Variants in ERG observed in about 807,000 individuals in gnomAD.
ERG encodes transcriptional regulator ERG.
In ERG, 9 loss-of-function variants were observed where a neutral mutation model predicts 55.3. The observed-to-expected ratio is 0.16, with a 90% CI of 0.10 to 0.28. The LOEUF (loss-of-function observed/expected upper bound fraction) is 0.28, where lower values mean the gene tolerates loss of function less well. Among genes scored for constraint, ERG ranks in the 10% least tolerant of loss-of-function variants. The pLI is 1.00. For missense variants in ERG, 434 were observed against 631.6 expected (o/e 0.69, Z 3.35); for synonymous variants, 223 against 237.3 (o/e 0.94, Z 0.55).
At chr21:38,430,900 C>T (rs1272256019) in intron 2 of ERG, among the ~76,000 whole-genome samples, 2 of 152,158 alleles carry the variant, frequency 1.3e-5, no homozygotes, top group Non-Finnish European at 2.9e-5. Flanking sequence ...TTGGTCATAA[C>T]TGTGGTCACT....
chr21:38,412,084 GA>G (rs1471183076), intron 3 of ERG, among the ~76,000 whole-genome samples: 1 of 152,068 alleles, frequency 6.6e-6, no homozygotes, highest in Non-Finnish European at 1.5e-5. Flanking sequence ...GTTTGTGCAA[GA>G]TTTTTTTGTA....
rs56381282 is a variant in ERG, at chr21:38,463,863, T to G, written c.19-18242A>C. 5.7e-3 allele frequency among the ~76,000 whole-genome samples: 873 copies of G among 152,326 alleles called. 7 individuals are homozygous for G. Among genetic ancestry groups the G allele is most frequent in the African/African-American group, 0.02 (824 of 41,554 alleles). Reference sequence around the variant, plus strand: ...CAGAGTTTGACTTTCAGTCTGCACGTAATCCAGGCTTTGTATTCCCACTTC... The same window carrying G: ...CAGAGTTTGACTTTCAGTCTGCACGGAATCCAGGCTTTGTATTCCCACTTC... On this transcript the variant is annotated intron_variant, in intron 1 of 9. Transcript: ENST00000288319.
chr21:38,419,199 C>G (rs1312963649), intron 3 of ERG, among the ~76,000 whole-genome samples: 3 of 152,196 alleles, frequency 2.0e-5, no homozygotes, highest in Non-Finnish European at 4.4e-5. Flanking sequence ...TATGGCCTAA[C>G]CAGTACCCTT....
chr21:38,383,742 G>A lies in ERG; in HGVS notation c.1101C>T (p.Arg367=), dbSNP rs143039786. The part of the protein sequence containing the change: ...KPNMNYDKLS[R]ALRYYYDKNI... ...TCTTGTCATAGTAGTAACGGAGGGCGCGGCTGAGCTTATCGTAGTTCATGT... is the reference window on the plus strand; with the variant it reads ...TCTTGTCATAGTAGTAACGGAGGGCACGGCTGAGCTTATCGTAGTTCATGT... The change falls in exon 10 of 10, where the codon CGC becomes CGT. Residue 367 remains arginine, a synonymous_variant. Coordinates refer to ENST00000288319, the MANE Select transcript of ERG (RefSeq NM_182918.4). The surrounding 1 kb of genome is among the most constrained non-coding windows in gnomAD (Gnocchi z 5.7). 6.5e-5 allele frequency: 105 copies of A among 1,614,008 alleles called. No homozygotes were observed. Among genetic ancestry groups the A allele is most frequent in the Non-Finnish European group, 8.2e-5 (97 of 1,180,036 alleles).
chr21:38,577,455 A>C, intron 1 of ERG, among the ~76,000 whole-genome samples: 4 of 147,924 alleles, frequency 2.7e-5, no homozygotes, highest in East Asian at 2.0e-4. Flanking sequence ...CCCCACCCCC[A>C]CCCCCAGGCC....
chr21:38,519,747 G>T (rs1231201027), intron 2 of ERG, among the ~76,000 whole-genome samples: 2 of 152,140 alleles, frequency 1.3e-5, no homozygotes, highest in African/African-American at 2.4e-5. Context: ...AGAGATGTGT[G>T]TATATGTGCA....
At chr21:38,543,800 G>A (rs933711388) in intron 2 of ERG, among the ~76,000 whole-genome samples, 3 of 146,616 alleles carry the variant, frequency 2.0e-5, no homozygotes, top group East Asian at 2.0e-4. Flanking sequence ...GCAGTGGCTC[G>A]ATCTCAGCTC....
intron 2 of ERG, among the ~76,000 whole-genome samples, chr21:38,550,126 A>G (rs567481361): frequency 2.6e-5 from 4 of 152,244 alleles, no homozygotes; most frequent in African/African-American, 9.6e-5. Context: ...GCTTCATCCA[A>G]GTACAGAAAT....
chr21:38,484,430 C>T (rs994252638), intron 1 of ERG, among the ~76,000 whole-genome samples: 7 of 152,182 alleles, frequency 4.6e-5, no homozygotes, highest in Non-Finnish European at 1.0e-4. Context: ...CCCCATTGCA[C>T]AAACACATTC....
At chr21:38,378,329 A>T (rs1231202559), downstream of ERG, among the ~76,000 whole-genome samples, 1 of 152,240 alleles carries the variant, frequency 6.6e-6, no homozygotes, top group Non-Finnish European at 1.5e-5. Context: ...TTGTTAAATA[A>T]GCACACCTCA....
intron 2 of ERG, among the ~76,000 whole-genome samples, chr21:38,438,318 C>A (rs997490783): frequency 1.3e-5 from 2 of 152,150 alleles, no homozygotes; most frequent in Non-Finnish European, 2.9e-5. Flanking sequence ...GATGTCATGA[C>A]CATCTTCACT....
intron 2 of ERG, among the ~76,000 whole-genome samples, chr21:38,542,234 C>G (rs577995043): frequency 6.6e-6 from 1 of 152,222 alleles, no homozygotes. Flanking sequence ...GTGATCCACC[C>G]GCCTCAGCCT....
chr21:38,543,210 C>T (rs923997962), intron 2 of ERG, among the ~76,000 whole-genome samples: 1 of 152,004 alleles, frequency 6.6e-6, no homozygotes, highest in African/African-American at 2.4e-5. Context: ...TCTCCAAATC[C>T]TGGTCATCTC....
intron 2 of ERG, among the ~76,000 whole-genome samples, chr21:38,528,315 C>T (rs1823288517): frequency 6.6e-6 from 1 of 152,016 alleles, no homozygotes; most frequent in Admixed American, 6.5e-5. Flanking sequence ...GTGGTGGGCA[C>T]CTGTAGTTCC....
intron 1 of ERG, among the ~76,000 whole-genome samples, chr21:38,640,562 T>G (rs935649259): frequency 2.0e-5 from 3 of 152,200 alleles, no homozygotes; most frequent in African/African-American, 7.2e-5. Context: ...TCACAAGATC[T>G]GATGGTTTTA....
At chr21:38,611,254 C>G (rs2060225363) in intron 1 of ERG, among the ~76,000 whole-genome samples, 1 of 152,228 alleles carries the variant, frequency 6.6e-6, no homozygotes, top group South Asian at 2.1e-4. Flanking sequence ...TTCCCTGCTT[C>G]AAACCTTGAA....
chr21:38,637,322 C>T (rs2060395534), intron 1 of ERG, among the ~76,000 whole-genome samples: 1 of 152,146 alleles, frequency 6.6e-6, no homozygotes, highest in East Asian at 1.9e-4. Flanking sequence ...TGAATAAAAA[C>T]TCCTTGATTC....
Position 38,624,344 on chromosome 21 carries a change from G to A in ERG, c.-150+37314C>T, listed in dbSNP as rs148801201. On this transcript the variant is annotated intron_variant, in intron 1 of 10. Coordinates refer to the ERG transcript ENST00000398910. ...GCATTAGGACAAATACCTAATGCAT[G>A]CAGGGCTTAAAACCGAGATGACGGG... Among the ~76,000 whole-genome samples the A allele has an allele frequency of 2.2e-3, 342 of 152,334 alleles. 1 individual carries two copies. Among genetic ancestry groups the A allele is most frequent in the African/African-American group, 8.0e-3 (333 of 41,572 alleles).
intron 2 of ERG, among the ~76,000 whole-genome samples, chr21:38,575,376 C>T (rs954426355): frequency 6.6e-6 from 1 of 152,076 alleles, no homozygotes; most frequent in Non-Finnish European, 1.5e-5. Context: ...CTCAACTGTG[C>T]CATTATGGAG....
Sources: gnomAD v4.1 joint callset for allele counts (sites outside exome capture counted in the v4.1 genomes callset) on GRCh38, gnomAD v4.1.1 for gene constraint, Gnocchi (gnomAD v3.1) non-coding constraint, MANE v1.5 for transcripts, NCBI Gene and HGNC (gene_info 2026-07-23, HGNC 2026-07-21) for gene names.